The following HCRTR2 variants were observed in gnomAD, a reference collection of about 807,000 sequenced individuals.
HCRTR2 encodes the protein orexin receptor type 2.
HCRTR2 carries 22 observed loss-of-function variants against 49.0 expected under a neutral mutation model. The ratio of observed to expected loss-of-function variants is 0.45; its 90% CI spans 0.32 to 0.64. The LOEUF (loss-of-function observed/expected upper bound fraction) is 0.64. Among genes scored for constraint, HCRTR2 ranks in the 30% least tolerant of loss-of-function variants. The pLI is 0.04. For synonymous variants in HCRTR2, 236 were observed against 205.3 expected, an observed-to-expected ratio of 1.15 and a Z score of -1.28; for missense variants, 491 against 559.4, an observed-to-expected ratio of 0.88 and a Z score of 1.23.
chr6:55,145,103 T>C (rs2127254992), intron 1 of HCRTR2, among the ~76,000 whole-genome samples: 1 of 152,096 alleles, frequency 6.6e-6, no homozygotes, highest in South Asian at 2.1e-4. Flanking sequence ...AGATTTTACT[T>C]ACCAAATTCT....
chr6:55,171,034 A>G (rs1764942880), upstream of HCRTR2, among the ~76,000 whole-genome samples: 1 of 152,162 alleles, frequency 6.6e-6, no homozygotes, highest in South Asian at 2.1e-4. Flanking sequence ...TAGTGCCGCA[A>G]TAAACATATG....
intron 2 of HCRTR2, among the ~76,000 whole-genome samples, chr6:55,249,471 AAATGAGATCTACCTCAT>A (rs1766507960): frequency 6.6e-6 from 1 of 152,126 alleles, no homozygotes; most frequent in African/African-American, 2.4e-5. Context: ...AGAATAATTT[AAATGAGATCTACCTCAT>A]ATGGTTGCTG....
intron 1 of HCRTR2, among the ~76,000 whole-genome samples, chr6:55,166,668 A>G (rs1764881876): frequency 1.3e-5 from 2 of 152,170 alleles, no homozygotes; most frequent in South Asian, 4.1e-4. Flanking sequence ...AGTTCAACAT[A>G]GAGTTACTGT....
At chr6:55,173,100 T>C (rs773356525), upstream of HCRTR2, among the ~76,000 whole-genome samples, 27 of 152,160 alleles carry the variant, frequency 1.8e-4, no homozygotes, top group Non-Finnish European at 3.7e-4. Flanking sequence ...CATGAGGGCA[T>C]ATAAAGGAGC....
chr6:55,190,109 AG>A (rs142780803), intron 1 of HCRTR2, among the ~76,000 whole-genome samples: 3,120 of 152,354 alleles, frequency 0.02, 112 homozygotes, highest in African/African-American at 0.071. Context: ...AGTAATTAAA[AG>A]CATACAAGGG....
chr6:55,256,132 G>T (rs192839915), intron 3 of HCRTR2, among the ~76,000 whole-genome samples: 3 of 151,884 alleles, frequency 2.0e-5, no homozygotes, highest in African/African-American at 7.3e-5. Context: ...TCTGGGCACA[G>T]GAAAGAATGA....
chr6:55,217,950 G>T (rs1765819327), intron 1 of HCRTR2, among the ~76,000 whole-genome samples: 1 of 152,160 alleles, frequency 6.6e-6, no homozygotes, highest in African/African-American at 2.4e-5. Context: ...TACAGAAGGG[G>T]ATTTGTTAGG....
At chr6:55,200,880 A>G (rs1050807181) in intron 1 of HCRTR2, among the ~76,000 whole-genome samples, 9 of 152,120 alleles carry the variant, frequency 5.9e-5, no homozygotes, top group Admixed American at 1.3e-4. Flanking sequence ...TTCAATATTC[A>G]ATTATAGTTT....
chr6:55,237,692 C>A (rs1766240414), intron 1 of HCRTR2, among the ~76,000 whole-genome samples: 1 of 152,210 alleles, frequency 6.6e-6, no homozygotes, highest in African/African-American at 2.4e-5. Flanking sequence ...GCCTTAGTAG[C>A]TTTCCAATGT....
chr6:55,185,488 A>T (rs895746985), intron 1 of HCRTR2, among the ~76,000 whole-genome samples: 18 of 152,328 alleles, frequency 1.2e-4, no homozygotes, highest in Admixed American at 1.1e-3. Flanking sequence ...AAATTTAAGA[A>T]CTTAAAAACA....
At chr6:55,278,733 T>TA (rs1238606090) in intron 5 of HCRTR2, among the ~76,000 whole-genome samples, 2 of 144,222 alleles carry the variant, frequency 1.4e-5, no homozygotes, top group Non-Finnish European at 3.0e-5. Context: ...TATTAATTAT[T>TA]ATTATTATTA....
chr6:55,156,510 A>G (rs1482596155), intron 1 of HCRTR2, among the ~76,000 whole-genome samples: 1 of 151,836 alleles, frequency 6.6e-6, no homozygotes, highest in Non-Finnish European at 1.5e-5. Flanking sequence ...TGAGGCCAGT[A>G]TTACTCTTAT....
intron 1 of HCRTR2, among the ~76,000 whole-genome samples, chr6:55,142,499 G>GC (rs2127253564): frequency 6.6e-6 from 1 of 151,756 alleles, no homozygotes; most frequent in South Asian, 2.1e-4. Context: ...GAGCCACCGG[G>GC]CCCGGCCTCA....
chr6:55,149,722 A>C (rs1764639066), intron 1 of HCRTR2, among the ~76,000 whole-genome samples: 1 of 152,086 alleles, frequency 6.6e-6, no homozygotes, highest in Non-Finnish European at 1.5e-5. Context: ...ATGTAAACGT[A>C]GTTTGAGGGG....
rs776005044 is a variant in HCRTR2 at position 55,174,556 on chromosome 6, C to A, written c.-32C>A. The A allele has an allele frequency of 1.1e-5, 17 of 1,562,796 alleles. No homozygotes were observed. Among genetic ancestry groups the A allele is most frequent in the African/African-American group, 2.7e-5 (2 of 74,004 alleles). On this transcript the variant is annotated 5_prime_UTR_variant, in exon 1 of 7. Coordinates refer to ENST00000370862, the MANE Select transcript of HCRTR2 (RefSeq NM_001384272.1). ...CATGGGGCAGGCGGAGAGGAGCTTG[C>A]AGCATTGAGCGGAACCGGACTTGAG...
intron 4 of HCRTR2, among the ~76,000 whole-genome samples, chr6:55,269,644 G>T (rs1766933549): frequency 6.6e-6 from 1 of 152,054 alleles, no homozygotes; most frequent in Non-Finnish European, 1.5e-5. Context: ...CCTAGAAGTA[G>T]ATTTAATAAA....
At chr6:55,187,447 A>G (rs796340971) in intron 1 of HCRTR2, among the ~76,000 whole-genome samples, 1,871 of 141,862 alleles carry the variant, frequency 0.013, 63 homozygotes, top group African/African-American at 0.046. Flanking sequence ...AAAAAAAAAA[A>G]AAGAAAACGA....
chr6:55,240,474 G>A (rs1469006914), intron 1 of HCRTR2, among the ~76,000 whole-genome samples: 1 of 151,784 alleles, frequency 6.6e-6, no homozygotes, highest in Non-Finnish European at 1.5e-5. Flanking sequence ...ATCCGTCAGC[G>A]TTGTAAAAAA....
At chr6:55,131,635 G>C (rs1025986558) in intron 1 of HCRTR2, among the ~76,000 whole-genome samples, 1 of 151,708 alleles carries the variant, frequency 6.6e-6, no homozygotes, top group Non-Finnish European at 1.5e-5. Flanking sequence ...ATTTTAAGTG[G>C]AAATAACAAT....
Sources: allele counts gnomAD v4.1 joint callset (sites outside exome capture counted in the v4.1 genomes callset), GRCh38; gene constraint gnomAD v4.1.1; transcripts MANE v1.5; gene names NCBI Gene and HGNC (gene_info 2026-07-23, HGNC 2026-07-21).